SLX9: variants seen among roughly 807,000 people sequenced by gnomAD.
The protein encoded by SLX9 is SLX9 ribosome biogenesis factor, also known as ribosome biogenesis protein SLX9 homolog.
A neutral mutation model predicts 20.8 loss-of-function variants in SLX9; 19 were observed. The ratio of observed to expected loss-of-function variants is 0.91; its 90% CI spans 0.64 to 1.34. The LOEUF (loss-of-function observed/expected upper bound fraction) is 1.34, where lower values mean the gene tolerates loss of function less well. SLX9 is among the 40% of genes most tolerant of loss of function. The pLI is 0.00. For synonymous variants in SLX9, 113 were observed against 137.1 expected (o/e 0.82, Z 1.23); for missense variants, 299 against 322.2 (o/e 0.93, Z 0.55).
chr21:44,976,282 C>T (rs1041570623), intron 5 of SLX9, among the ~76,000 whole-genome samples: 8 of 119,098 alleles, frequency 6.7e-5, no homozygotes, highest in African/African-American at 1.2e-4. Context: ...CTCAGGCTCT[C>T]GGCTCTCGGC....
upstream of SLX9, chr21:44,939,744 G>A: frequency 1.9e-6 from 1 of 533,960 alleles, no homozygotes; most frequent in Non-Finnish European, 3.6e-6. Context: ...GACTGCCGCG[G>A]GGGTCGCGTC....
At position 44,967,112 on chromosome 21, in the gene SLX9, T is replaced by A. The variant is rs2085050869; in HGVS notation, c.431T>A (p.Leu144Gln). The A allele has an allele frequency of 6.2e-7, 1 of 1,610,706 alleles. No homozygotes were observed. Residue 144 changes from leucine to glutamine, a missense_variant, in exon 4 of 6, where the codon CTG becomes CAG. Physicochemically the swap from Leu to Gln is moderately radical, Grantham distance 113 (BLOSUM62 -2). Transcript: ENST00000291634. ...AGGGCCACGGTGGTGGTGGGGGACC[T>A]GCACCCTCTCAGGGATGCCCTGCCC... ...RRRATVVVGD[L>Q]HPLRDALPEL...
At chr21:44,952,751 G>A (rs906181814) in intron 2 of SLX9, among the ~76,000 whole-genome samples, 13 of 152,218 alleles carry the variant, frequency 8.5e-5, no homozygotes, top group African/African-American at 2.9e-4. Flanking sequence ...AGGAGACGGC[G>A]GGGCAGTGTC....
chr21:44,940,511 C>A (rs560706444), intron 1 of SLX9, among the ~76,000 whole-genome samples: 2 of 152,310 alleles, frequency 1.3e-5, no homozygotes, highest in African/African-American at 4.8e-5. Context: ...AAAGGACGTT[C>A]CCAGAGTTAG....
intron 1 of SLX9, among the ~76,000 whole-genome samples, chr21:44,942,720 G>C (rs1213946938): frequency 6.6e-6 from 1 of 152,188 alleles, no homozygotes; most frequent in African/African-American, 2.4e-5. Context: ...GGAGAACTTT[G>C]TGCTTCTTTG....
chr21:44,961,166 C>T (rs1001759362), intron 3 of SLX9, among the ~76,000 whole-genome samples: 6 of 152,082 alleles, frequency 3.9e-5, no homozygotes, highest in Non-Finnish European at 7.4e-5. Flanking sequence ...GGACTGTGGC[C>T]ATTTGGACCC....
At chr21:44,954,932 G>C (rs1271951353) in intron 2 of SLX9, among the ~76,000 whole-genome samples, 1 of 152,164 alleles carries the variant, frequency 6.6e-6, no homozygotes, top group African/African-American at 2.4e-5. Context: ...AGAAGGAAGA[G>C]GCCGGGGACG....
At chr21:44,958,772 C>G (rs561462578) in intron 2 of SLX9, among the ~76,000 whole-genome samples, 12 of 152,312 alleles carry the variant, frequency 7.9e-5, no homozygotes, top group African/African-American at 2.9e-4. Context: ...TCTCCTCCTG[C>G]AGGAGCAGCG....
intron 1 of SLX9, 54 bp from the exon 2 acceptor site, chr21:44,943,630 C>G (rs1391197811): frequency 1.3e-6 from 2 of 1,599,648 alleles, no homozygotes; most frequent in African/African-American, 2.7e-5. Context: ...CCTCTGAAAC[C>G]ACAGAGCAAG....
intron 1 of SLX9, among the ~76,000 whole-genome samples, chr21:44,941,675 C>T (rs1356829483): frequency 6.6e-6 from 1 of 152,216 alleles, no homozygotes; most frequent in African/African-American, 2.4e-5. Flanking sequence ...TAGTAGCTTA[C>T]AGAGTCCCTC....
At chr21:44,951,687 T>G (rs1010900570) in intron 2 of SLX9, among the ~76,000 whole-genome samples, 2 of 152,128 alleles carry the variant, frequency 1.3e-5, no homozygotes. Context: ...GAGCGCGCTG[T>G]GTGGGCACCA....
At chr21:44,958,346 G>C (rs778805595) in intron 2 of SLX9, 1 of 152,610 alleles carries the variant, frequency 6.6e-6, no homozygotes, top group East Asian at 1.9e-4. Flanking sequence ...CTCCAAGCTG[G>C]CATTTCTGCT....
intron 2 of SLX9, among the ~76,000 whole-genome samples, chr21:44,944,153 G>T (rs191169414): frequency 1.3e-5 from 2 of 152,300 alleles, no homozygotes; most frequent in Non-Finnish European, 2.9e-5. Flanking sequence ...TGATTCTTTC[G>T]GTCTGTCTGT....
Position 44,973,177 on chromosome 21 carries a change from T to C in SLX9, c.501-20T>C. 6.2e-7 allele frequency: 1 copy of C among 1,612,992 alleles called. No individual in the cohort carries two copies. ...AGGGGATGCTGGATGCTGACTCACG[T>C]GGCTTCTCTGTGTCCACAGCAGGGA... On this transcript the variant is annotated intron_variant, in intron 4 of 5. Coordinates refer to ENST00000291634, the MANE Select transcript of SLX9 (RefSeq NM_058190.4).
At chr21:44,969,085 T>G (rs2085093367) in intron 4 of SLX9, 1 of 441,594 alleles carries the variant, frequency 2.3e-6, no homozygotes, top group Admixed American at 2.4e-5. Context: ...ATTTTCTTTC[T>G]CCTACTAACT....
At chr21:44,956,038 A>G (rs1322004447) in intron 2 of SLX9, among the ~76,000 whole-genome samples, 1 of 152,248 alleles carries the variant, frequency 6.6e-6, no homozygotes, top group Non-Finnish European at 1.5e-5. Flanking sequence ...GCTTTGTAAA[A>G]TGCGCGGCTT....
intron 4 of SLX9, 144 bp from the exon 5 acceptor site, chr21:44,973,053 C>T: frequency 2.5e-6 from 1 of 397,824 alleles, no homozygotes; most frequent in Non-Finnish European, 3.5e-6. Context: ...CACAGTGCAG[C>T]TTGGAACTTG....
intron 5 of SLX9, among the ~76,000 whole-genome samples, chr21:44,976,330 C>T (rs1019113939): frequency 1.3e-5 from 2 of 152,194 alleles, no homozygotes; most frequent in Admixed American, 6.5e-5. Flanking sequence ...TTTGGTTGCC[C>T]GTGGAGGGAG....
chr21:44,963,743 G>A (rs974737890), intron 3 of SLX9, among the ~76,000 whole-genome samples: 1 of 152,116 alleles, frequency 6.6e-6, no homozygotes, highest in Non-Finnish European at 1.5e-5. Flanking sequence ...CTGTTTCTAG[G>A]CTGTCTTCTG....
Sources: gnomAD v4.1 joint callset for allele counts (sites outside exome capture counted in the v4.1 genomes callset) on GRCh38, gnomAD v4.1.1 for gene constraint, MANE v1.5 for transcripts, NCBI Gene and HGNC (gene_info 2026-07-23, HGNC 2026-07-21) for gene names.